The following GRK2 variants were observed in gnomAD, a reference collection of about 807,000 sequenced individuals.
GRK2 encodes G protein-coupled receptor kinase 2.
GRK2 carries 23 observed loss-of-function variants against 97.8 expected under a neutral mutation model. The ratio of observed to expected loss-of-function variants is 0.24; its 90% confidence interval spans 0.17 to 0.33. The LOEUF (loss-of-function observed/expected upper bound fraction) is 0.33. Among genes scored for constraint, GRK2 ranks in the 10% least tolerant of loss-of-function variants. The pLI is 1.00. For synonymous variants in GRK2, 425 were observed against 381.7 expected, an observed-to-expected ratio of 1.11 and a Z score of -1.32; for missense variants, 633 against 956.9, an observed-to-expected ratio of 0.66 and a Z score of 4.47.
At chr11:67,284,090 T>C in intron 17 of GRK2, 121 bp from the exon 18 acceptor site, 1 of 1,475,904 alleles carries the variant, frequency 6.8e-7, no homozygotes, top group South Asian at 1.2e-5. Flanking sequence ...CCAACTTCCC[T>C]GGGGGGTGGC....
chr11:67,273,422 C>CT (rs1223616745), intron 1 of GRK2, among the ~76,000 whole-genome samples: 1 of 152,248 alleles, frequency 6.6e-6, no homozygotes, highest in African/African-American at 2.4e-5. Context: ...ACTCCAGACT[C>CT]TGCCAGTATC....
chr11:67,274,569 C>G (rs1321475746), intron 1 of GRK2, among the ~76,000 whole-genome samples: 1 of 138,064 alleles, frequency 7.2e-6, no homozygotes, highest in Non-Finnish European at 1.5e-5. Context: ...TGGCCCACCT[C>G]CCAGGTGAGA....
chr11:67,286,533 G>A lies in GRK2; in HGVS notation c.*1083G>A, dbSNP rs1312333407. 19 of 701,468 alleles carry A rather than the reference G, an allele frequency of 2.7e-5. No individual in the cohort carries two copies. Among genetic ancestry groups the A allele is most frequent in the Admixed American group, 2.4e-4 (12 of 49,898 alleles). The allele number at this position is 701,468 out of a possible 1,614,324, so 43.5% of individuals were successfully genotyped here. On this transcript the variant is annotated 3_prime_UTR_variant, in exon 21 of 21. Transcript: ENST00000308595. ...TAAAGAGTGAAAAATGAGACTATGC[G>A]TTTTTATAAAAAATGGTGCCTGATT...
intron 1 of GRK2, among the ~76,000 whole-genome samples, chr11:67,270,323 C>T (rs1001790195): frequency 1.3e-5 from 2 of 152,142 alleles, no homozygotes; most frequent in African/African-American, 2.4e-5. Flanking sequence ...AGTGGCAGCC[C>T]CAGCAGCAGA....
rs114337400 is a variant in GRK2 at position 67,281,072 on chromosome 11, G to A, written c.556-21G>A. ...TGGGCAGAGGCAGCCTGTGGTGACCGCAGCTGTCGCTGCCCCTCAGCTGAC... is the reference window on the plus strand; with the variant it reads ...TGGGCAGAGGCAGCCTGTGGTGACCACAGCTGTCGCTGCCCCTCAGCTGAC... On this transcript the variant is annotated intron_variant, in intron 7 of 20. Transcript: ENST00000308595. The surrounding 1 kb of genome is among the most constrained non-coding windows in gnomAD (Gnocchi z 5.7). 5,514 of 1,600,928 alleles carry A rather than the reference G, an allele frequency of 3.4e-3. 164 individuals carry two copies. The African/African-American group carries it at 0.065, about 19-fold the overall frequency.
chr11:67,271,243 C>T (rs908310852), intron 1 of GRK2, among the ~76,000 whole-genome samples: 2 of 152,198 alleles, frequency 1.3e-5, no homozygotes, highest in African/African-American at 4.8e-5. Flanking sequence ...GCTATATTCA[C>T]GTTATTTCTA....
At chr11:67,271,414 G>C (rs1462492710) in intron 1 of GRK2, among the ~76,000 whole-genome samples, 1 of 152,248 alleles carries the variant, frequency 6.6e-6, no homozygotes, top group African/African-American at 2.4e-5. Context: ...CTGTTCCCAG[G>C]TGGGGGCAAT....
At position 67,279,463 on chromosome 11, in the gene GRK2, C is replaced by T. The variant is rs747840297; in HGVS notation, c.310C>T (p.Arg104Cys). ...GGAGACGGAGGAGGAGCGTGTGGCC[C>T]GCAGCCGGGAGATCTTCGACTCATA... ...KLETEEERVA[R>C]SREIFDSYIM... Residue 104 changes from arginine to cysteine, a missense_variant, in exon 4 of 21, where the codon CGC becomes TGC. By Grantham distance (180) the Arg-to-Cys change is radical. This residue lies in a region of GRK2 where 193 missense variants were observed against 212.2 expected (regional missense o/e 0.91). Coordinates refer to ENST00000308595, the MANE Select transcript of GRK2 (RefSeq NM_001619.5). The T allele has an allele frequency of 6.4e-5, 104 of 1,613,150 alleles. No homozygotes were observed. The highest frequency in any genetic ancestry group is 8.3e-5 in the Admixed American group (5 of 60,010).
rs1467094087 is a variant in GRK2, at chr11:67,284,308, A to G, written c.1589A>G (p.Asn530Ser). The part of the protein sequence containing the change: ...EVAETVFDTI[N>S]AETDRLEARK... ...GCAGAGACTGTCTTCGACACCATCA[A>G]CGCTGAGACAGACCGGCTGGAGGCT... The change falls in exon 18 of 21, where the codon AAC becomes AGC. Residue 530 changes from asparagine to serine, a missense_variant. Around this residue, in one of 4 missense-constraint regions of GRK2, gnomAD observed 180 missense variants for 311.3 expected, o/e 0.58. Transcript: ENST00000308595. 14 of 1,613,256 alleles carry G rather than the reference A, an allele frequency of 8.7e-6. No individual in the cohort carries two copies. The highest frequency in any genetic ancestry group is 2.7e-5 in the African/African-American group (2 of 74,922).
At chr11:67,283,599 G>A in intron 15 of GRK2, 108 bp from the exon 16 acceptor site, 1 of 1,084,068 alleles carries the variant, frequency 9.2e-7, no homozygotes, top group Non-Finnish European at 1.4e-6. Context: ...AAACAGCTCA[G>A]GCTTAAGGAA....
intron 1 of GRK2, among the ~76,000 whole-genome samples, chr11:67,273,520 G>GCC (rs141444409): frequency 0.027 from 4,056 of 152,244 alleles, 75 homozygotes; most frequent in African/African-American, 0.048. Context: ...GGCAGGAGCT[G>GCC]CCCCCAGTGG....
intron 1 of GRK2, among the ~76,000 whole-genome samples, chr11:67,267,213 G>A (rs1190961368): frequency 6.6e-5 from 10 of 152,232 alleles, no homozygotes; most frequent in Non-Finnish European, 1.2e-4. Context: ...TCCCTGTGGG[G>A]TCCCCTCCCC....
In GRK2 at chr11:67,266,863, C is replaced by T. The variant is rs1859813085; in HGVS notation, c.113+51C>T. ...GGCCCGACCCCGCGGGCGCCCCGGCCGCGGCCCCGAGACCCTGGCCCCATG... is the reference window on the plus strand; with the variant it reads ...GGCCCGACCCCGCGGGCGCCCCGGCTGCGGCCCCGAGACCCTGGCCCCATG... On this transcript the variant is annotated intron_variant, in intron 1 of 20. Transcript: ENST00000308595. The T allele has an allele frequency of 1.3e-5, 13 of 983,390 alleles. No individual in the cohort carries two copies. The South Asian group carries it at 5.0e-4, about 38-fold the overall frequency. 60.9% of individuals were successfully genotyped at this position (983,390 alleles called of 1,614,324 possible).
At chr11:67,280,173 T>C in intron 6 of GRK2, 1 of 519,222 alleles carries the variant, frequency 1.9e-6, no homozygotes, top group Non-Finnish European at 3.5e-6. Context: ...CCTGTGCCTC[T>C]TTCTCTCCCG....
At chr11:67,277,709 C>T (rs1194451641) in intron 2 of GRK2, among the ~76,000 whole-genome samples, 2 of 152,264 alleles carry the variant, frequency 1.3e-5, no homozygotes, top group Admixed American at 1.3e-4. Flanking sequence ...CCTGTGGCGC[C>T]TGCCGAGCTG....
Position 67,282,535 on chromosome 11 carries a change from C to T in GRK2, c.1153C>T (p.Leu385=), listed in dbSNP as rs1180854884. ...FSLGCMLFKL[L]RGHSPFRQHK... ...TCTGGGGTGCATGCTCTTCAAGTTG[C>T]TGCGGGGGTGAGTGGCCCATCCCAG... The change falls in exon 13 of 21, where the codon CTG becomes TTG. Residue 385 remains leucine, a synonymous_variant. Transcript: ENST00000308595. The surrounding 1 kb of genome is among the most constrained non-coding windows in gnomAD (Gnocchi z 6.9). The T allele has an allele frequency of 2.5e-6, 4 of 1,613,314 alleles. No individual in the cohort carries two copies. In the Admixed American group the frequency reaches 5.0e-5, roughly 20 times the overall value.
rs556065320 is a variant in GRK2 at position 67,269,186 on chromosome 11, C to T, written c.113+2374C>T. Among the ~76,000 whole-genome samples the T allele has an allele frequency of 1.2e-4, 18 of 152,282 alleles. No homozygotes were observed. The highest frequency in any genetic ancestry group is 1.3e-4 in the Non-Finnish European group (9 of 68,008). ...CAGTGGGGCAGAGCACGCCGCCCCC[C>T]GCCCCCCGCCGCCCCAGTGGTGATC... On this transcript the variant is annotated intron_variant, in intron 1 of 20. Coordinates refer to ENST00000308595, the MANE Select transcript of GRK2 (RefSeq NM_001619.5). This position sits in a 1 kb window ranked among gnomAD's most constrained non-coding sequence, Gnocchi z 4.1.
At chr11:67,279,048 C>A in intron 2 of GRK2, 152 bp from the exon 3 acceptor site, 1 of 663,122 alleles carries the variant, frequency 1.5e-6, no homozygotes, top group South Asian at 1.7e-5. Flanking sequence ...GCAGCCTTAG[C>A]AGCTGCCTGG....
intron 1 of GRK2, among the ~76,000 whole-genome samples, chr11:67,275,901 A>G (rs1440152299): frequency 6.6e-6 from 1 of 152,186 alleles, no homozygotes; most frequent in Non-Finnish European, 1.5e-5. Context: ...TGCCCTGGGC[A>G]GGGCTGTTTG....
Sources: allele counts gnomAD v4.1 joint callset (sites outside exome capture counted in the v4.1 genomes callset), GRCh38; gene constraint gnomAD v4.1.1; regional missense constraint gnomAD v4.1.1; non-coding constraint Gnocchi (gnomAD v3.1); transcripts MANE v1.5; gene names NCBI Gene and HGNC (gene_info 2026-07-23, HGNC 2026-07-21).